SPAG17: variants seen among roughly 807,000 people sequenced by gnomAD.
The protein encoded by SPAG17 is sperm associated antigen 17.
SPAG17 carries 169 observed loss-of-function variants against 273.6 expected under a neutral mutation model. The observed-to-expected ratio is 0.62, with a 90% confidence interval of 0.55 to 0.70. The LOEUF (loss-of-function observed/expected upper bound fraction) is 0.70. Ranked by LOEUF, SPAG17 falls within the 30% of genes least tolerant of loss-of-function variation. The pLI is 0.00. For missense variants in SPAG17, 2,557 were observed against 2,627.8 expected (o/e 0.97, Z 0.59); for synonymous variants, 825 against 873.2 (o/e 0.94, Z 0.97).
At chr1:118,020,024 A>C (rs1431878031) in intron 28 of SPAG17, among the ~76,000 whole-genome samples, 1 of 152,250 alleles carries the variant, frequency 6.6e-6, no homozygotes, top group Non-Finnish European at 1.5e-5. Flanking sequence ...AAACCACAGA[A>C]GGTGAAATAT....
At chr1:118,157,077 G>A (rs1302031665) in intron 1 of SPAG17, among the ~76,000 whole-genome samples, 2 of 152,110 alleles carry the variant, frequency 1.3e-5, no homozygotes, top group African/African-American at 4.8e-5. Flanking sequence ...TTAATAATTT[G>A]AAATATGCTA....
chr1:118,111,626 G>A (rs1041972755), intron 4 of SPAG17, among the ~76,000 whole-genome samples: 7 of 146,486 alleles, frequency 4.8e-5, no homozygotes, highest in East Asian at 2.0e-4. Context: ...CCAGTGTTTC[G>A]GAGTTTGGAC....
At chr1:118,115,475 G>T in intron 3 of SPAG17, 34 bp from the exon 4 acceptor site, 2 of 1,588,646 alleles carry the variant, frequency 1.3e-6, no homozygotes, top group Admixed American at 1.8e-5. Context: ...AAAAAGTGAT[G>T]TTTTATAACC....
intron 43 of SPAG17, among the ~76,000 whole-genome samples, chr1:117,974,572 T>G (rs10923450): frequency 0.069 from 10,551 of 152,112 alleles, 828 homozygotes; most frequent in East Asian, 0.27. Flanking sequence ...ACTACTATAT[T>G]CATAGTTTTA....
At chr1:118,022,423 A>C (rs536071724) in intron 28 of SPAG17, among the ~76,000 whole-genome samples, 379 of 86,446 alleles carry the variant, frequency 4.4e-3, no homozygotes, top group Non-Finnish European at 7.4e-3. Flanking sequence ...GAAATTCACA[A>C]AATGAAACAA....
intron 1 of SPAG17, among the ~76,000 whole-genome samples, chr1:118,181,519 CA>C (rs1348454746): frequency 6.6e-6 from 1 of 151,722 alleles, no homozygotes; most frequent in African/African-American, 2.4e-5. Context: ...CTATTACACA[CA>C]AAAAAAGACT....
chr1:118,165,894 C>A (rs544235725), intron 1 of SPAG17, among the ~76,000 whole-genome samples: 96 of 152,220 alleles, frequency 6.3e-4, no homozygotes, highest in African/African-American at 2.2e-3. Flanking sequence ...CCACCCGCCT[C>A]GGCCTCCCAA....
chr1:118,005,307 T>A, intron 32 of SPAG17, 107 bp downstream of exon 32: 1 of 939,688 alleles, frequency 1.1e-6, no homozygotes, highest in Non-Finnish European at 1.5e-6. Flanking sequence ...AAGTGGATAA[T>A]TAATCCCAAG....
intron 20 of SPAG17, among the ~76,000 whole-genome samples, chr1:118,048,036 T>C (rs552650955): frequency 3.4e-4 from 51 of 152,068 alleles, no homozygotes; most frequent in African/African-American, 1.2e-3. Context: ...GCAGGCTGGC[T>C]ACATGGTTCT....
intron 1 of SPAG17, among the ~76,000 whole-genome samples, chr1:118,182,552 A>T (rs747101300): frequency 6.6e-6 from 1 of 152,204 alleles, no homozygotes; most frequent in South Asian, 2.1e-4. Flanking sequence ...TTGAGATGTG[A>T]TATTTCACTC....
At chr1:118,181,237 G>A (rs760711565) in intron 1 of SPAG17, among the ~76,000 whole-genome samples, 15 of 151,800 alleles carry the variant, frequency 9.9e-5, no homozygotes, top group Non-Finnish European at 1.9e-4. Context: ...AATCTGTCAG[G>A]CATATAGAAA....
chr1:118,096,113 T>C (rs1655687150), intron 7 of SPAG17, among the ~76,000 whole-genome samples: 1 of 152,216 alleles, frequency 6.6e-6, no homozygotes, highest in Admixed American at 6.5e-5. Flanking sequence ...TGCCTTGTGC[T>C]GAGAGTCTTT....
intron 3 of SPAG17, among the ~76,000 whole-genome samples, chr1:118,127,735 A>G (rs1457370336): frequency 6.6e-6 from 1 of 152,234 alleles, no homozygotes; most frequent in Non-Finnish European, 1.5e-5. Flanking sequence ...ATCCATGAAC[A>G]AAGGATATCT....
chr1:118,069,434 G>C (rs559063686), intron 17 of SPAG17, among the ~76,000 whole-genome samples: 1 of 151,056 alleles, frequency 6.6e-6, no homozygotes, highest in Non-Finnish European at 1.5e-5. Context: ...TGATGGATTA[G>C]GTATCAGGGA....
chr1:117,990,930 A>C, intron 37 of SPAG17, 24 bp from the exon 38 acceptor site: 1 of 1,425,288 alleles, frequency 7.0e-7, no homozygotes. Flanking sequence ...AGAATTACTT[A>C]TGATGATTAT....
At chr1:118,101,646 G>T in intron 5 of SPAG17, 94 bp downstream of exon 5, 1 of 1,232,280 alleles carries the variant, frequency 8.1e-7, no homozygotes, top group Non-Finnish European at 1.1e-6. Context: ...AGGAAACTAT[G>T]CGCTCTATGT....
At position 118,166,728 on chromosome 1, in the gene SPAG17, C is replaced by T. The variant is rs188203657; in HGVS notation, c.88-15359G>A. On this transcript the variant is annotated intron_variant, in intron 1 of 48. Transcript: ENST00000336338. ...CTATTGCAGGTGCTATTTTGTCTAG[C>T]CCCACCAGATCAACAAAAAACTTTT... Among the ~76,000 whole-genome samples the T allele has an allele frequency of 2.3e-4, 35 of 152,150 alleles. 2 individuals carry two copies. The East Asian group carries it at 6.4e-3, about 28-fold the overall frequency.
At position 118,055,834 on chromosome 1, in the gene SPAG17, T is replaced by C; in HGVS notation, c.2621A>G (p.Asn874Ser). The C allele has an allele frequency of 1.2e-6, 2 of 1,613,234 alleles. No individual in the cohort carries two copies. Among genetic ancestry groups the C allele is most frequent in the Non-Finnish European group, 1.7e-6 (2 of 1,179,624 alleles). ...EEAIYQESKM[N>S]EKIIRTRAEL... Reference sequence around the variant, plus strand: ...AGCTCTGGTCCTGATGATTTTCTCATTCATTTTAGATTCCTGATATATAGC... The same window carrying C: ...AGCTCTGGTCCTGATGATTTTCTCACTCATTTTAGATTCCTGATATATAGC... Residue 874 changes from asparagine to serine, a missense_variant, in exon 19 of 49, where the codon AAT becomes AGT. Transcript: ENST00000336338.
chr1:118,111,732 G>GGGC (rs1656773425), intron 4 of SPAG17, among the ~76,000 whole-genome samples: 2 of 152,170 alleles, frequency 1.3e-5, no homozygotes, highest in Admixed American at 1.3e-4. Context: ...TCATCATGAT[G>GGGC]TATTATCAAA....
Sources: allele counts gnomAD v4.1 joint callset (sites outside exome capture counted in the v4.1 genomes callset), GRCh38; gene constraint gnomAD v4.1.1; transcripts MANE v1.5; gene names NCBI Gene and HGNC (gene_info 2026-07-23, HGNC 2026-07-21).